CAMK1D: variants seen among roughly 807,000 people sequenced by gnomAD.
CAMK1D encodes the protein calcium/calmodulin-dependent protein kinase type 1D.
In CAMK1D, 9 loss-of-function variants were observed where a neutral mutation model predicts 47.7. The ratio of observed to expected loss-of-function variants is 0.19; its 90% CI spans 0.11 to 0.33. CAMK1D has a LOEUF of 0.33. CAMK1D is among the 10% of genes least tolerant of loss of function. CAMK1D has a pLI of 1.00. For synonymous variants in CAMK1D, 184 were observed against 184.9 expected (o/e 0.99, Z 0.04); for missense variants, 291 against 488.7 (o/e 0.60, Z 3.81).
At chr10:12,361,467 G>A (rs1487752384) in intron 1 of CAMK1D, among the ~76,000 whole-genome samples, 1 of 150,152 alleles carries the variant, frequency 6.7e-6, no homozygotes, top group Admixed American at 6.7e-5. Flanking sequence ...GGATGGTCTC[G>A]ATCTCCTGAC....
chr10:12,538,187 G>A (rs1433898826), intron 1 of CAMK1D, among the ~76,000 whole-genome samples: 2 of 152,194 alleles, frequency 1.3e-5, no homozygotes, highest in Admixed American at 6.5e-5. Context: ...GATTATGCTG[G>A]ACTTGGTATT....
chr10:12,439,098 C>T (rs542301348), intron 1 of CAMK1D, among the ~76,000 whole-genome samples: 1 of 152,318 alleles, frequency 6.6e-6, no homozygotes, highest in East Asian at 1.9e-4. Flanking sequence ...ACATCAGGCA[C>T]TATCGTCTGT....
At position 12,401,268 on chromosome 10, in the gene CAMK1D, A is replaced by G. The variant is rs1157715935; in HGVS notation, c.92+51358A>G. Among the ~76,000 whole-genome samples, 13 of 40,112 alleles carry G rather than the reference A, an allele frequency of 3.2e-4. 1 individual carries two copies. The highest frequency in any genetic ancestry group is 1.4e-3 in the African/African-American group (13 of 9,248). 26.3% of individuals were successfully genotyped at this position (40,112 alleles called of 152,430 possible). ...TATATATAATATATGTATTATATAT[A>G]TTATGTATATATTTTATATATATAT... is the stretch of plus-strand genomic sequence containing the variant. On this transcript the variant is annotated intron_variant, in intron 1 of 10. Coordinates refer to ENST00000619168, the MANE Select transcript of CAMK1D (RefSeq NM_153498.4).
At chr10:12,439,927 TGAAAACA>T (rs1369069300) in intron 1 of CAMK1D, among the ~76,000 whole-genome samples, 6 of 152,188 alleles carry the variant, frequency 3.9e-5, no homozygotes, top group African/African-American at 1.4e-4. Context: ...GAGAACCAGG[TGAAAACA>T]GAAACCCCTT....
chr10:12,706,392 A>T (rs1256290713), intron 3 of CAMK1D, among the ~76,000 whole-genome samples: 1 of 152,206 alleles, frequency 6.6e-6, no homozygotes, highest in Non-Finnish European at 1.5e-5. Context: ...ATTCAGTACC[A>T]CAGCACAGCA....
chr10:12,764,451 TG>T (rs1836657486), intron 4 of CAMK1D, among the ~76,000 whole-genome samples: 1 of 149,830 alleles, frequency 6.7e-6, no homozygotes, highest in Non-Finnish European at 1.5e-5. Context: ...TGGGCGTAAC[TG>T]GTCTTCAAAA....
intron 3 of CAMK1D, among the ~76,000 whole-genome samples, chr10:12,753,158 A>G (rs549237148): frequency 2.0e-5 from 3 of 152,346 alleles, no homozygotes; most frequent in East Asian, 3.9e-4. Flanking sequence ...AGACTGAGGC[A>G]GGAGAATCAC....
chr10:12,368,198 C>CAAAAA (rs759817546), intron 1 of CAMK1D, among the ~76,000 whole-genome samples: 5 of 89,906 alleles, frequency 5.6e-5, no homozygotes, highest in Non-Finnish European at 1.1e-4. Context: ...GACTCCGTCT[C>CAAAAA]AAAAAAAAAA....
At chr10:12,429,235 A>T (rs145491527) in intron 1 of CAMK1D, among the ~76,000 whole-genome samples, 1 of 148,018 alleles carries the variant, frequency 6.8e-6, no homozygotes, top group African/African-American at 2.5e-5. Flanking sequence ...CTTCTCCCCC[A>T]CTCTTCTTTC....
chr10:12,526,900 A>AG (rs1181542425), intron 1 of CAMK1D, among the ~76,000 whole-genome samples: 1 of 151,438 alleles, frequency 6.6e-6, no homozygotes, highest in Non-Finnish European at 1.5e-5. Flanking sequence ...CCTATCTCAA[A>AG]AAAAAAAAAA....
At position 12,408,697 on chromosome 10, in the gene CAMK1D, G is replaced by A. The variant is rs2801486; in HGVS notation, c.92+58787G>A. Among the ~76,000 whole-genome samples, 1,094 of 152,248 alleles carry A rather than the reference G, an allele frequency of 7.2e-3. 14 individuals carry two copies. The highest frequency in any genetic ancestry group is 0.025 in the African/African-American group (1,020 of 41,548). On this transcript the variant is annotated intron_variant, in intron 1 of 10. Coordinates refer to ENST00000619168, the MANE Select transcript of CAMK1D (RefSeq NM_153498.4). Reference sequence around the variant, plus strand: ...ATTTGCTGACTCCAGGATTAGCAACGTGCAAGGCCCGCTTTCTCCTCTTGG... The same window carrying A: ...ATTTGCTGACTCCAGGATTAGCAACATGCAAGGCCCGCTTTCTCCTCTTGG...
chr10:12,451,041 C>T lies in CAMK1D; in HGVS notation c.92+101131C>T, dbSNP rs78505236. On this transcript the variant is annotated intron_variant, in intron 1 of 10. Transcript: ENST00000619168. ...GCGGTGCTGGGTGTCTGCCATGGGC[C>T]GGGGAGTGAGGAGAACCATTCTTTC... 3.8e-3 allele frequency among the ~76,000 whole-genome samples: 573 copies of T among 152,112 alleles called. 2 individuals are homozygous for T. Among genetic ancestry groups the T allele is most frequent in the Non-Finnish European group, 4.3e-3 (289 of 68,000 alleles).
At chr10:12,779,878 A>G (rs4750259) in intron 5 of CAMK1D, among the ~76,000 whole-genome samples, 74,615 of 152,026 alleles carry the variant, frequency 0.49, 18,659 homozygotes, top group East Asian at 0.65. Flanking sequence ...CGTTCTGTCT[A>G]GAAGCAGACC....
chr10:12,596,403 C>T (rs1028532728), intron 2 of CAMK1D, among the ~76,000 whole-genome samples: 1 of 151,992 alleles, frequency 6.6e-6, no homozygotes, highest in Non-Finnish European at 1.5e-5. Flanking sequence ...TGGGAGGTCC[C>T]CAGTTAGAGG....
At chr10:12,711,453 G>A (rs1047604367) in intron 3 of CAMK1D, among the ~76,000 whole-genome samples, 29 of 152,294 alleles carry the variant, frequency 1.9e-4, no homozygotes, top group Admixed American at 1.2e-3. Context: ...GAGCTCTCAC[G>A]TATTCCCTTC....
chr10:12,467,161 C>G (rs1029165086), intron 1 of CAMK1D, among the ~76,000 whole-genome samples: 1 of 151,968 alleles, frequency 6.6e-6, no homozygotes, highest in African/African-American at 2.4e-5. Flanking sequence ...CTCATGTTTT[C>G]TTTTTTATTG....
chr10:12,399,378 C>T (rs1171313776), intron 1 of CAMK1D, among the ~76,000 whole-genome samples: 2 of 152,134 alleles, frequency 1.3e-5, no homozygotes, highest in African/African-American at 2.4e-5. Flanking sequence ...GTGGCAGGCG[C>T]CTGTAATCCC....
Position 12,524,144 on chromosome 10 carries a change from T to G in CAMK1D, c.93-29081T>G, listed in dbSNP as rs143919342. Among the ~76,000 whole-genome samples, 146 of 151,774 alleles carry G rather than the reference T, an allele frequency of 9.6e-4. 2 individuals carry two copies. In the East Asian group the frequency reaches 0.028, roughly 29 times the overall value. On this transcript the variant is annotated intron_variant, in intron 1 of 10. Coordinates refer to ENST00000619168, the MANE Select transcript of CAMK1D (RefSeq NM_153498.4). ...CCTGACATCGTAATTTTTTGTATTT[T>G]TTAGTAGAGACAGGGTTTCACGTTG... is the stretch of plus-strand genomic sequence containing the variant.
intron 1 of CAMK1D, among the ~76,000 whole-genome samples, chr10:12,403,926 A>C (rs1158098597): frequency 1.3e-5 from 2 of 151,028 alleles, no homozygotes; most frequent in Non-Finnish European, 2.9e-5. Flanking sequence ...CCAGTTCTTG[A>C]TATCTTGTGG....
Sources: gnomAD v4.1 joint callset for allele counts (sites outside exome capture counted in the v4.1 genomes callset) on GRCh38, gnomAD v4.1.1 for gene constraint, MANE v1.5 for transcripts, NCBI Gene and HGNC (gene_info 2026-07-23, HGNC 2026-07-21) for gene names.